Variants in OPRM1 observed in about 807,000 individuals in gnomAD.
The protein encoded by OPRM1 is opioid receptor mu 1.
In OPRM1, 27 loss-of-function variants were observed where a neutral mutation model predicts 31.8. That is an observed-to-expected ratio of 0.85 (90% CI 0.63 to 1.17). The LOEUF is 1.17. OPRM1 is among the 50% of genes most tolerant of loss of function. The pLI is 0.00. For missense variants in OPRM1, 536 were observed against 511.1 expected (o/e 1.05, Z -0.47); for synonymous variants, 196 against 189.9 (o/e 1.03, Z -0.26).
chr6:154,018,999 A>AT (rs1778177976), intron 1 of OPRM1, among the ~76,000 whole-genome samples: 2 of 151,970 alleles, frequency 1.3e-5, no homozygotes, highest in African/African-American at 4.8e-5. Context: ...GTAGGTGTAT[A>AT]TACTTATAGG....
intron 3 of OPRM1, among the ~76,000 whole-genome samples, 184 bp from the exon 4 acceptor site, chr6:154,118,498 GA>G (rs1463079004): frequency 6.6e-6 from 1 of 152,168 alleles, no homozygotes; most frequent in Non-Finnish European, 1.5e-5. Context: ...TAATGAGCCA[GA>G]AGATTATTCA....
rs1052293811 is a variant in OPRM1 at position 154,124,499 on chromosome 6, T to C, written c.*5778T>C. Among the ~76,000 whole-genome samples, 5 of 152,226 alleles carry C rather than the reference T, an allele frequency of 3.3e-5. No homozygotes were observed. The highest frequency in any genetic ancestry group is 1.2e-4 in the African/African-American group (5 of 41,456). On this transcript the variant is annotated 3_prime_UTR_variant, in exon 4 of 4. Transcript: ENST00000330432. Reference sequence around the variant, plus strand: ...GGTGTGGGGTGGGATGTTAGAGCTCTAGACATTAATTCCTAGGAATCGCAT... The same window carrying C: ...GGTGTGGGGTGGGATGTTAGAGCTCCAGACATTAATTCCTAGGAATCGCAT...
chr6:154,094,388 AG>A (rs1792983607), intron 3 of OPRM1: 1 of 433,492 alleles, frequency 2.3e-6, no homozygotes. Flanking sequence ...CACAGTTAAG[AG>A]CTGCTCAGTC....
chr6:154,225,352 TA>T (rs1459650282), intron 3 of OPRM1, among the ~76,000 whole-genome samples: 1 of 152,134 alleles, frequency 6.6e-6, no homozygotes, highest in East Asian at 1.9e-4. Flanking sequence ...AAATGCCCAT[TA>T]ACAGATAAAT....
chr6:154,021,936 C>A (rs1199521673), intron 1 of OPRM1, among the ~76,000 whole-genome samples: 1 of 152,058 alleles, frequency 6.6e-6, no homozygotes, highest in Non-Finnish European at 1.5e-5. Context: ...TTCTTCTTCC[C>A]AATCTGTATA....
Position 154,119,018 on chromosome 6 carries a change from C to T in OPRM1, c.*297C>T. 8.8e-7 allele frequency: 1 copy of T among 1,137,560 alleles called. No individual in the cohort carries two copies. Among genetic ancestry groups the T allele is most frequent in the Non-Finnish European group, 1.1e-6 (1 of 927,296 alleles). 70.5% of individuals were successfully genotyped at this position (1,137,560 alleles called of 1,614,324 possible). A position where few individuals can be genotyped will look rare whatever the true frequency, so the allele number is the denominator to read the frequency against. On this transcript the variant is annotated 3_prime_UTR_variant, in exon 4 of 4. Transcript: ENST00000330432. ...GAATTGAAGTCATCATAAAAGGTGA[C>T]CCTTCTGTCTGTAAGATTTTATTTT... is the stretch of plus-strand genomic sequence containing the variant.
At position 154,039,869 on chromosome 6, in the gene OPRM1, C is replaced by T. The variant is rs760365363; in HGVS notation, c.290+35C>T. ...GCGCCAGGGCTCCGAGCGGAGGGTTCAGCGGCTTAAGGGGGTACAAAGAGA... is the reference window on the plus strand; with the variant it reads ...GCGCCAGGGCTCCGAGCGGAGGGTTTAGCGGCTTAAGGGGGTACAAAGAGA... On this transcript the variant is annotated intron_variant, in intron 1 of 3. Coordinates refer to ENST00000330432, the MANE Select transcript of OPRM1 (RefSeq NM_000914.5). The T allele has an allele frequency of 4.9e-5, 75 of 1,541,842 alleles. 1 individual carries two copies. In the Admixed American group the frequency reaches 1.3e-3, roughly 26 times the overall value.
At chr6:154,208,983 G>A (rs1190756793) in intron 3 of OPRM1, among the ~76,000 whole-genome samples, 1 of 152,120 alleles carries the variant, frequency 6.6e-6, no homozygotes, top group Non-Finnish European at 1.5e-5. Flanking sequence ...TCTGAAGAAG[G>A]AGGAACATAA....
intron 3 of OPRM1, among the ~76,000 whole-genome samples, chr6:154,223,400 A>T (rs1779015835): frequency 2.0e-5 from 3 of 152,214 alleles, no homozygotes; most frequent in Admixed American, 6.5e-5. Flanking sequence ...TCCCAGATAC[A>T]CAGCTCATGA....
chr6:154,201,054 C>T (rs1019995702), intron 3 of OPRM1, among the ~76,000 whole-genome samples: 68 of 152,246 alleles, frequency 4.5e-4, no homozygotes, highest in African/African-American at 1.6e-3. Flanking sequence ...GCAGTTCCCA[C>T]CTCACTCACT....
intron 3 of OPRM1, among the ~76,000 whole-genome samples, chr6:154,143,925 A>C (rs1798289168): frequency 6.6e-6 from 1 of 152,240 alleles, no homozygotes. Context: ...CTCTAGCAAG[A>C]CTGACCGAAA....
upstream of OPRM1, among the ~76,000 whole-genome samples, chr6:154,038,529 G>A (rs1447885030): frequency 6.6e-6 from 1 of 152,086 alleles, no homozygotes; most frequent in Non-Finnish European, 1.5e-5. Context: ...TGCAAATTTT[G>A]TTTTGTTTTA....
chr6:154,237,972 T>C (rs1193464711), intron 3 of OPRM1, among the ~76,000 whole-genome samples: 10 of 152,218 alleles, frequency 6.6e-5, no homozygotes, highest in South Asian at 4.1e-4. Context: ...CTGTTAACGA[T>C]TTTAAACGAT....
Position 154,120,003 on chromosome 6 carries a change from G to C in OPRM1, c.*1282G>C, listed in dbSNP as rs975516824. 6.6e-6 allele frequency among the ~76,000 whole-genome samples: 1 copy of C among 152,144 alleles called. No individual in the cohort carries two copies. The highest frequency in any genetic ancestry group is 2.4e-5 in the African/African-American group (1 of 41,450). ...ATTTTCTTTGTTGTGAAACACAGTA[G>C]AGATTTGGCAATCAACCATTTTACT... On this transcript the variant is annotated 3_prime_UTR_variant, in exon 4 of 4. Coordinates refer to ENST00000330432, the MANE Select transcript of OPRM1 (RefSeq NM_000914.5).
chr6:154,213,046 G>A (rs184346015), intron 3 of OPRM1: 27 of 566,276 alleles, frequency 4.8e-5, no homozygotes, highest in Middle Eastern at 9.4e-4. Context: ...TGGCCAATTC[G>A]GGGCTCCTGA....
chr6:154,155,785 A>G (rs1798688663), intron 3 of OPRM1: 1 of 152,262 alleles, frequency 6.6e-6, no homozygotes, highest in Admixed American at 6.5e-5. Flanking sequence ...TGTCTAAAAA[A>G]AGAAAAAAAA....
intron 3 of OPRM1, among the ~76,000 whole-genome samples, chr6:154,203,630 C>T (rs912722578): frequency 5.9e-5 from 9 of 152,218 alleles, no homozygotes; most frequent in African/African-American, 1.4e-4. Context: ...ACTTTGGTCT[C>T]CATGGGGTTC....
chr6:154,199,808 T>G (rs758152214), intron 3 of OPRM1: 1 of 1,614,198 alleles, frequency 6.2e-7, no homozygotes, highest in South Asian at 1.1e-5. Context: ...TTCCAGGGCC[T>G]TGTGGATGCC....
At chr6:154,173,070 G>T (rs1800007546) in intron 3 of OPRM1, among the ~76,000 whole-genome samples, 1 of 152,242 alleles carries the variant, frequency 6.6e-6, no homozygotes, top group Non-Finnish European at 1.5e-5. Context: ...ACGTGCAGCT[G>T]AGGGTCCTGT....
Sources: allele counts gnomAD v4.1 joint callset (sites outside exome capture counted in the v4.1 genomes callset), GRCh38; gene constraint gnomAD v4.1.1; transcripts MANE v1.5; gene names NCBI Gene and HGNC (gene_info 2026-07-23, HGNC 2026-07-21).